ADAMTS15: variants seen among roughly 807,000 people sequenced by gnomAD.
ADAMTS15 encodes ADAM metallopeptidase with thrombospondin type 1 motif 15.
ADAMTS15 carries 35 observed loss-of-function variants against 79.1 expected under a neutral mutation model. The ratio of observed to expected loss-of-function variants is 0.44; its 90% CI spans 0.34 to 0.59. The LOEUF (loss-of-function observed/expected upper bound fraction) is 0.59, where lower values mean the gene tolerates loss of function less well. Ranked by LOEUF, ADAMTS15 falls within the 20% of genes least tolerant of loss-of-function variation. The pLI is 0.02. For synonymous variants in ADAMTS15, 616 were observed against 567.3 expected (o/e 1.09, Z -1.22); for missense variants, 1,324 against 1,318.7 (o/e 1.00, Z -0.06).
At chr11:130,455,759 A>G (rs921888186) in intron 1 of ADAMTS15, among the ~76,000 whole-genome samples, 4 of 152,182 alleles carry the variant, frequency 2.6e-5, no homozygotes, top group African/African-American at 4.8e-5. Context: ...GGTGCATGGC[A>G]GGGCAGGGAC....
intron 4 of ADAMTS15, among the ~76,000 whole-genome samples, chr11:130,466,772 C>T (rs556711058): frequency 6.6e-6 from 1 of 152,216 alleles, no homozygotes; most frequent in Non-Finnish European, 1.5e-5. Context: ...TCCCATTTCT[C>T]GCTGCCTTGT....
Position 130,473,144 on chromosome 11 carries a change from C to T in ADAMTS15, c.2176C>T (p.Leu726=), listed in dbSNP as rs766558119. 28 of 1,614,140 alleles carry T rather than the reference C, an allele frequency of 1.7e-5. No individual in the cohort carries two copies. The highest frequency in any genetic ancestry group is 2.4e-5 in the Non-Finnish European group (28 of 1,180,050). ...AGGGCTGATCGGGGATGACAACTAC[C>T]TGGCTCTGAAGAACAGCCAAGGCAA... ...YKGLIGDDNY[L]ALKNSQGKYL... The change falls in exon 8 of 8, where the codon CTG becomes TTG. Residue 726 remains leucine, a synonymous_variant. Transcript: ENST00000299164.
At chr11:130,461,011 T>C (rs1277757469) in intron 1 of ADAMTS15, among the ~76,000 whole-genome samples, 1 of 152,132 alleles carries the variant, frequency 6.6e-6, no homozygotes, top group Non-Finnish European at 1.5e-5. Context: ...TGGCTGAGAA[T>C]CTTAACTTAA....
chr11:130,449,129 A>T lies in ADAMTS15; in HGVS notation c.156A>T (p.Gly52=). The change falls in exon 1 of 8, where the codon GGA becomes GGT. Residue 52 remains glycine (G), a synonymous_variant. Transcript: ENST00000299164. The surrounding 1 kb of genome is among the most constrained non-coding windows in gnomAD (Gnocchi z 7.8). ...WRGPEDSGDQ[G]LIFQITAFQE... ...GTCCCGAGGACTCCGGGGATCAGGG[A>T]CTCATTTTTCAGATCACAGCATTTC... 1 of 1,594,228 alleles carries T rather than the reference A, an allele frequency of 6.3e-7. No individual in the cohort carries two copies. Among genetic ancestry groups the T allele is most frequent in the Non-Finnish European group, 8.6e-7 (1 of 1,166,796 alleles).
chr11:130,451,453 C>G (rs1239532458), intron 1 of ADAMTS15, among the ~76,000 whole-genome samples: 1 of 152,206 alleles, frequency 6.6e-6, no homozygotes, highest in Non-Finnish European at 1.5e-5. Flanking sequence ...ATTCTTCCAA[C>G]TGAGGTCTGT....
chr11:130,455,731 C>T (rs1463912464), intron 1 of ADAMTS15, among the ~76,000 whole-genome samples: 1 of 152,190 alleles, frequency 6.6e-6, no homozygotes, highest in Non-Finnish European at 1.5e-5. Flanking sequence ...TTTAATCCAC[C>T]TTGGAGTCAG....
intron 4 of ADAMTS15, among the ~76,000 whole-genome samples, chr11:130,464,166 G>A (rs1938258128): frequency 3.9e-5 from 6 of 152,312 alleles, no homozygotes. Flanking sequence ...CTGAGGACAG[G>A]CAATATGTGG....
At chr11:130,457,230 CA>C (rs397816239) in intron 1 of ADAMTS15, among the ~76,000 whole-genome samples, 404 of 116,370 alleles carry the variant, frequency 3.5e-3, no homozygotes, top group East Asian at 3.9e-3. Flanking sequence ...GACTCAGTCT[CA>C]AAAAAAAAAA....
At chr11:130,471,568 T>C (rs1938461095) in intron 7 of ADAMTS15, among the ~76,000 whole-genome samples, 185 bp downstream of exon 7, 1 of 152,060 alleles carries the variant, frequency 6.6e-6, no homozygotes, top group East Asian at 1.9e-4. Context: ...CACTCATTCA[T>C]TCATTCATTC....
intron 1 of ADAMTS15, among the ~76,000 whole-genome samples, chr11:130,460,551 A>G (rs911641174): frequency 1.3e-5 from 2 of 152,204 alleles, no homozygotes; most frequent in African/African-American, 2.4e-5. Flanking sequence ...TGCTGGAATT[A>G]CAGGTGTGGG....
At chr11:130,458,555 C>T (rs1183868884) in intron 1 of ADAMTS15, among the ~76,000 whole-genome samples, 2 of 152,204 alleles carry the variant, frequency 1.3e-5, no homozygotes, top group Non-Finnish European at 2.9e-5. Context: ...GGGCTGCATG[C>T]TCTGGGACTG....
At chr11:130,459,227 G>T (rs1336247911) in intron 1 of ADAMTS15, among the ~76,000 whole-genome samples, 1 of 152,040 alleles carries the variant, frequency 6.6e-6, no homozygotes, top group East Asian at 1.9e-4. Context: ...GAGCATGGTG[G>T]CAGGTGCCTG....
chr11:130,461,459 G>A (rs747248580), intron 1 of ADAMTS15, 30 bp from the exon 2 acceptor site: 3 of 1,613,654 alleles, frequency 1.9e-6, no homozygotes, highest in South Asian at 2.2e-5. Context: ...CTAACTTCGG[G>A]CTGGCTTCTG....
At position 130,473,719 on chromosome 11, in the gene ADAMTS15, A is replaced by G; in HGVS notation, c.2751A>G (p.Ser917=). 6.2e-7 allele frequency: 1 copy of G among 1,600,246 alleles called. No homozygotes were observed. Among genetic ancestry groups the G allele is most frequent in the South Asian group, 1.1e-5 (1 of 91,084 alleles). Residue 917 remains serine (S), a synonymous_variant, in exon 8 of 8, where the codon TCA becomes TCG. Coordinates refer to ENST00000299164, the MANE Select transcript of ADAMTS15 (RefSeq NM_139055.4). ...GCGGCCGGGGATTTCAGAGGCGCTC[A>G]CTCAAGTGTGTGGGCCACGGAGGCC... ...KSCGRGFQRR[S]LKCVGHGGRL... is the part of the protein sequence containing the mutation.
At chr11:130,452,760 A>T (rs1045805064) in intron 1 of ADAMTS15, among the ~76,000 whole-genome samples, 4 of 152,174 alleles carry the variant, frequency 2.6e-5, no homozygotes, top group Non-Finnish European at 5.9e-5. Context: ...AGACAGGTGG[A>T]TCATGAGGTC....
chr11:130,457,821 C>T (rs369805344), intron 1 of ADAMTS15, among the ~76,000 whole-genome samples: 131 of 152,258 alleles, frequency 8.6e-4, no homozygotes, highest in African/African-American at 3.0e-3. Context: ...AGAGGCCCAG[C>T]GGTTCTTCAT....
Position 130,449,016 on chromosome 11 carries a change from ACCGCTGGAGG to A in ADAMTS15, c.45_54del (p.Ala16LeufsTer7). 6.6e-7 allele frequency: 1 copy of A among 1,510,152 alleles called. No homozygotes were observed. Among genetic ancestry groups the A allele is most frequent in the Non-Finnish European group, 8.9e-7 (1 of 1,129,656 alleles). The allele number at this position is 1,510,152 out of a possible 1,614,324, so 93.5% of individuals were successfully genotyped here. A position where few individuals can be genotyped will look rare whatever the true frequency, so the allele number is the denominator to read the frequency against. ...CCTAACCCTGGCTTTCGCCGGGCGA[ACCGCTGGAGG>A]CTCTGAGCCAGAGCGGGAGGTAGTC... On this transcript the variant is annotated frameshift_variant, in exon 1 of 8. Transcript: ENST00000299164. LOFTEE classifies it high-confidence loss of function. This position sits in a 1 kb window ranked among gnomAD's most constrained non-coding sequence, Gnocchi z 7.8.
intron 4 of ADAMTS15, among the ~76,000 whole-genome samples, chr11:130,468,356 C>T (rs1196570532): frequency 1.3e-5 from 2 of 152,136 alleles, no homozygotes; most frequent in South Asian, 2.1e-4. Flanking sequence ...TCTGGCCAGG[C>T]GCGGTAGCTC....
chr11:130,473,201 G>A lies in ADAMTS15; in HGVS notation c.2233G>A (p.Ala745Thr). The A allele has an allele frequency of 1.2e-6, 2 of 1,614,058 alleles. No individual in the cohort carries two copies. ...YLLNGHFVVSAVERDLVVKGS... is the reference protein window; with the variant it reads ...YLLNGHFVVSTVERDLVVKGS... The stretch of plus-strand genomic sequence containing the variant: ...GCTCAACGGGCATTTCGTGGTGTCG[G>A]CGGTGGAGCGGGACCTGGTGGTGAA... Residue 745 changes from alanine to threonine, a missense_variant, in exon 8 of 8, where the codon GCG (alanine) becomes ACG (threonine). Physicochemically the swap from Ala to Thr is moderately conservative, Grantham distance 58. Transcript: ENST00000299164.
Sources: gnomAD v4.1 joint callset for allele counts (sites outside exome capture counted in the v4.1 genomes callset) on GRCh38, gnomAD v4.1.1 for gene constraint, Gnocchi (gnomAD v3.1) non-coding constraint, MANE v1.5 for transcripts, NCBI Gene and HGNC (gene_info 2026-07-23, HGNC 2026-07-21) for gene names.